The following INTS1 variants were observed in gnomAD, a reference collection of about 807,000 sequenced individuals.
INTS1 encodes integrator complex subunit 1.
Under a neutral mutation model 241.6 loss-of-function variants are expected in INTS1, and 137 were observed. The ratio of observed to expected loss-of-function variants is 0.57; its 90% confidence interval spans 0.49 to 0.65. The LOEUF (loss-of-function observed/expected upper bound fraction) is 0.65, where lower values mean the gene tolerates loss of function less well. INTS1 is among the 30% of genes least tolerant of loss of function. INTS1 has a pLI of 0.00. For missense variants in INTS1, 3,073 were observed against 3,032.2 expected, an observed-to-expected ratio of 1.01 and a Z score of -0.32; for synonymous variants, 1,692 against 1,337.8, an observed-to-expected ratio of 1.26 and a Z score of -5.78.
intron 44 of INTS1, among the ~76,000 whole-genome samples, chr7:1,472,067 A>G (rs1199453084): frequency 6.6e-6 from 1 of 152,138 alleles, no homozygotes; most frequent in Non-Finnish European, 1.5e-5. Context: ...GAAGCAGAGC[A>G]GCCACCTCCA....
chr7:1,494,364 C>G (rs1335932913), intron 14 of INTS1: 5 of 245,582 alleles, frequency 2.0e-5, no homozygotes, highest in African/African-American at 1.1e-4. Context: ...GAGCCCCAGG[C>G]GGGGCTGGAG....
chr7:1,475,194 G>A (rs895409092), intron 39 of INTS1, among the ~76,000 whole-genome samples: 4 of 152,280 alleles, frequency 2.6e-5, no homozygotes, highest in African/African-American at 9.6e-5. Flanking sequence ...ACTAGCCTGG[G>A]CAATGAAAAT....
intron 3 of INTS1, among the ~76,000 whole-genome samples, chr7:1,502,197 A>C (rs1783217802): frequency 6.6e-6 from 1 of 152,048 alleles, no homozygotes; most frequent in Non-Finnish European, 1.5e-5. Flanking sequence ...CCTACAAAGA[A>C]ATTACCCAAA....
In INTS1 at chr7:1,485,304, G is replaced by C. The variant is rs948025536; in HGVS notation, c.3142C>G (p.Leu1048Val). ...AGCGCCCTCACCTGCTGCAGGGCCAGGGCTGTGGTGCTCCTGACGCTGTCG... is the reference window on the plus strand; with the variant it reads ...AGCGCCCTCACCTGCTGCAGGGCCACGGCTGTGGTGCTCCTGACGCTGTCG... ...LFDSVRSTTA[L>V]ALQQAIHMET... is the part of the protein sequence containing the mutation. Residue 1048 changes from leucine (L) to valine (V), a missense_variant, in exon 23 of 48, where the codon CTG becomes GTG. Leu to Val is a conservative substitution (Grantham distance 32, BLOSUM62 1). Coordinates refer to ENST00000404767, the MANE Select transcript of INTS1 (RefSeq NM_001080453.3). 5.0e-6 allele frequency: 8 copies of C among 1,609,974 alleles called. No homozygotes were observed. Among genetic ancestry groups the C allele is most frequent in the Non-Finnish European group, 6.8e-6 (8 of 1,179,590 alleles).
intron 35 of INTS1, 49 bp downstream of exon 35, chr7:1,477,501 A>T: frequency 1.4e-6 from 2 of 1,459,820 alleles, no homozygotes; most frequent in Non-Finnish European, 1.8e-6. Flanking sequence ...GGTCAGGAAG[A>T]GCCTTTACCC....
At chr7:1,492,288 G>C (rs1255945466) in intron 16 of INTS1, among the ~76,000 whole-genome samples, 1 of 152,224 alleles carries the variant, frequency 6.6e-6, no homozygotes, top group African/African-American at 2.4e-5. Flanking sequence ...ACTGCCTCAT[G>C]CTACAGCACA....
rs1474908951 is a variant in INTS1 at position 1,479,559 on chromosome 7, G to T, written c.4200C>A (p.Gly1400=). ...RVVQGSPEVP[G]ITVRVLQALA... ...GGGCCTGCAGGACACGCACCGTGAT[G>T]CCCGGCACCTCGGGGCTGCCCTGGA... The change falls in exon 31 of 48, where the codon GGC becomes GGA. Residue 1400 remains glycine (G), a synonymous_variant. Transcript: ENST00000404767. The T allele has an allele frequency of 3.2e-6, 5 of 1,552,538 alleles. No individual in the cohort carries two copies. The highest frequency in any genetic ancestry group is 2.7e-5 in the African/African-American group (2 of 73,392).
At chr7:1,478,225 TG>T in intron 33 of INTS1, 140 bp downstream of exon 33, 1 of 965,104 alleles carries the variant, frequency 1.0e-6, no homozygotes, top group Non-Finnish European at 1.5e-6. Context: ...CTGAGCCATC[TG>T]GGAGGGGACC....
intron 13 of INTS1, among the ~76,000 whole-genome samples, chr7:1,495,099 G>A (rs571247935): frequency 8.4e-6 from 1 of 119,536 alleles, no homozygotes; most frequent in Non-Finnish European, 1.6e-5. Flanking sequence ...GGCCGAACGG[G>A]GCTGCCGGGC....
At chr7:1,498,579 T>C (rs1489600908) in intron 9 of INTS1, 26 bp from the exon 10 acceptor site, 2 of 1,612,158 alleles carry the variant, frequency 1.2e-6, no homozygotes, top group East Asian at 2.2e-5. Context: ...GTACAGACCC[T>C]GTCCCCGCTA....
chr7:1,470,771 G>A (rs1781423777), intron 47 of INTS1, 75 bp downstream of exon 47: 2 of 1,474,492 alleles, frequency 1.4e-6, no homozygotes, highest in Non-Finnish European at 1.8e-6. Flanking sequence ...GGACTCCCAA[G>A]AGCCAGCCCT....
chr7:1,500,135 C>G (rs367918294), intron 4 of INTS1, 35 bp downstream of exon 4: 1 of 1,578,586 alleles, frequency 6.3e-7, no homozygotes, highest in Admixed American at 1.7e-5. Flanking sequence ...AGGGCCCCAG[C>G]GCTGCTCGCC....
chr7:1,493,206 T>TGGGGG lies in INTS1; in HGVS notation c.2069-105_2069-101dup. On this transcript the variant is annotated intron_variant, in intron 15 of 47. Transcript: ENST00000404767. This position sits in a 1 kb window ranked among gnomAD's most constrained non-coding sequence, Gnocchi z 5.3. ...CTGCTCGGGCCGCGTCGGGGTGGGG[T>TGGGGG]GGGGGATGCCGCAGGGTGGGGCGCA... The TGGGGG allele has an allele frequency of 1.1e-4, 52 of 460,626 alleles. No individual in the cohort carries two copies. Among genetic ancestry groups the TGGGGG allele is most frequent in the Middle Eastern group, 4.2e-4 (1 of 2,374 alleles). 28.5% of individuals were successfully genotyped at this position (460,626 alleles called of 1,614,324 possible).
rs1319577309 is a variant in INTS1 at position 1,500,190 on chromosome 7, C to T, written c.526G>A (p.Ala176Thr). 2.5e-6 allele frequency: 4 copies of T among 1,595,264 alleles called. No individual in the cohort carries two copies. The highest frequency in any genetic ancestry group is 3.4e-6 in the Non-Finnish European group (4 of 1,167,994). The change falls in exon 4 of 48, where the codon GCC (alanine) becomes ACC (threonine). Residue 176 changes from alanine (A) to threonine (T), a missense_variant. Coordinates refer to ENST00000404767, the MANE Select transcript of INTS1 (RefSeq NM_001080453.3). ...YLAKIKPNIF[A>T]TEGVIEALCS... is the part of the protein sequence containing the mutation. ...CAAACCTCAATGACGCCCTCAGTGG[C>T]GAAGATGTTGGGCTTGATCTTGGCC...
chr7:1,501,592 T>C (rs1783185009), intron 3 of INTS1, among the ~76,000 whole-genome samples: 1 of 152,130 alleles, frequency 6.6e-6, no homozygotes, highest in South Asian at 2.1e-4. Flanking sequence ...ACCTCCTTTC[T>C]ACAGGAGGTA....
intron 8 of INTS1, 22 bp downstream of exon 8, chr7:1,498,952 AC>A (rs1350335837): frequency 2.3e-5 from 23 of 978,974 alleles, no homozygotes; most frequent in South Asian, 5.0e-5. Context: ...TGCCCCGCCC[AC>A]CCCCCCGGGG....
Position 1,479,679 on chromosome 7 carries a change from G to A in INTS1, c.4080C>T (p.Phe1360=), listed in dbSNP as rs1394112938. The change falls in exon 31 of 48, where the codon TTC becomes TTT. Residue 1360 remains phenylalanine (F), a synonymous_variant. Transcript: ENST00000404767. ...DDLAGMFLQI[F]PLSPDPRWQS... ...GCCACCGAGGGTCCGGGCTGAGCGG[G>A]AAAATCTGGAACGGGGAAGGCCAGT... is the stretch of plus-strand genomic sequence containing the variant. 2.0e-6 allele frequency: 3 copies of A among 1,465,112 alleles called. No individual in the cohort carries two copies. The highest frequency in any genetic ancestry group is 2.6e-5 in the Admixed American group (1 of 38,354). 90.8% of individuals were successfully genotyped at this position (1,465,112 alleles called of 1,614,324 possible).
intron 10 of INTS1, among the ~76,000 whole-genome samples, chr7:1,498,145 T>G (rs1490343533): frequency 2.6e-5 from 4 of 152,228 alleles, no homozygotes; most frequent in Non-Finnish European, 5.9e-5. Flanking sequence ...CTCAGAAACC[T>G]GGGTGGCTTT....
intron 39 of INTS1, among the ~76,000 whole-genome samples, chr7:1,475,735 C>T (rs566954278): frequency 1.2e-4 from 18 of 152,382 alleles, no homozygotes; most frequent in Non-Finnish European, 2.1e-4. Context: ...CACAACACCA[C>T]GACTCTCCAG....
Sources: gnomAD v4.1 joint callset for allele counts (sites outside exome capture counted in the v4.1 genomes callset) on GRCh38, gnomAD v4.1.1 for gene constraint, Gnocchi (gnomAD v3.1) non-coding constraint, MANE v1.5 for transcripts, NCBI Gene and HGNC (gene_info 2026-07-23, HGNC 2026-07-21) for gene names.